The following EPHA6 variants were observed in gnomAD, a reference collection of about 807,000 sequenced individuals.
EPHA6 encodes EPH receptor A6, also known as ephrin type-A receptor 6.
EPHA6 carries 50 observed loss-of-function variants against 112.0 expected under a neutral mutation model. The ratio of observed to expected loss-of-function variants is 0.45; its 90% CI spans 0.36 to 0.56. The LOEUF is 0.56. Among genes scored for constraint, EPHA6 ranks in the 20% least tolerant of loss-of-function variants. The pLI is 0.00. For missense variants in EPHA6, 1,280 were observed against 1,417.4 expected (o/e 0.90, Z 1.56); for synonymous variants, 529 against 490.7 (o/e 1.08, Z -1.03).
intron 5 of EPHA6, among the ~76,000 whole-genome samples, chr3:97,296,837 A>G (rs1484297699): frequency 4.6e-5 from 7 of 152,082 alleles, no homozygotes; most frequent in African/African-American, 7.2e-5. Flanking sequence ...AGGACACTGT[A>G]TGCTAGAGTG....
At chr3:97,536,411 AT>A (rs1251761969) in intron 11 of EPHA6, among the ~76,000 whole-genome samples, 2 of 152,218 alleles carry the variant, frequency 1.3e-5, no homozygotes, top group Non-Finnish European at 2.9e-5. Context: ...AAATTTAGAT[AT>A]GCCAACTGTA....
chr3:97,390,977 A>G (rs2109061026), intron 5 of EPHA6, among the ~76,000 whole-genome samples: 1 of 152,176 alleles, frequency 6.6e-6, no homozygotes, highest in Admixed American at 6.6e-5. Context: ...CAAGAAACAA[A>G]CCCAAGGTAG....
At chr3:97,020,632 C>T (rs1307286754) in intron 3 of EPHA6, among the ~76,000 whole-genome samples, 1 of 146,788 alleles carries the variant, frequency 6.8e-6, no homozygotes. Context: ...GGAGCACAGT[C>T]TCTGTGAGTT....
chr3:96,952,607 A>G (rs2041591969), intron 2 of EPHA6, among the ~76,000 whole-genome samples: 1 of 152,190 alleles, frequency 6.6e-6, no homozygotes, highest in Non-Finnish European at 1.5e-5. Flanking sequence ...TTTCTTATAA[A>G]TTATCCTGTC....
chr3:97,044,747 C>G (rs1306701818), intron 3 of EPHA6, among the ~76,000 whole-genome samples: 1 of 151,936 alleles, frequency 6.6e-6, no homozygotes, highest in Non-Finnish European at 1.5e-5. Flanking sequence ...GTATGCGGGA[C>G]ACCGACTCAA....
At chr3:97,361,639 G>A (rs564570595) in intron 5 of EPHA6, among the ~76,000 whole-genome samples, 81 of 152,248 alleles carry the variant, frequency 5.3e-4, no homozygotes, top group African/African-American at 1.9e-3. Flanking sequence ...AAGAAGTTGA[G>A]CATGCTAGCT....
chr3:97,636,172 C>G (rs895637248), intron 13 of EPHA6, among the ~76,000 whole-genome samples: 1 of 152,172 alleles, frequency 6.6e-6, no homozygotes, highest in Admixed American at 6.5e-5. Context: ...TTCACTACTA[C>G]TTTAAAATTC....
intron 9 of EPHA6, among the ~76,000 whole-genome samples, chr3:97,480,377 C>T (rs2091497141): frequency 1.3e-5 from 2 of 152,130 alleles, no homozygotes; most frequent in South Asian, 2.1e-4. Flanking sequence ...GAGGACCCTG[C>T]GGCCTTCCGC....
At position 97,348,164 on chromosome 3, in the gene EPHA6, A is replaced by G. The variant is rs139753575; in HGVS notation, c.1607-56986A>G. Among the ~76,000 whole-genome samples, 41 of 152,220 alleles carry G rather than the reference A, an allele frequency of 2.7e-4. No homozygotes were observed. In the East Asian group the frequency reaches 7.7e-3, roughly 29 times the overall value. On this transcript the variant is annotated intron_variant, in intron 5 of 17. Transcript: ENST00000389672. ...GGAATAGAGGAGTACATGATTCCCTATAAAGAATGTAATGCCATAGGCTAA... is the reference window on the plus strand; with the variant it reads ...GGAATAGAGGAGTACATGATTCCCTGTAAAGAATGTAATGCCATAGGCTAA...
At chr3:96,863,740 A>T (rs1381629389) in intron 1 of EPHA6, among the ~76,000 whole-genome samples, 1 of 152,048 alleles carries the variant, frequency 6.6e-6, no homozygotes, top group African/African-American at 2.4e-5. Context: ...TTTAGAAACA[A>T]TAATTAAATG....
At chr3:97,641,378 C>T (rs762361920) in intron 14 of EPHA6, among the ~76,000 whole-genome samples, 1 of 152,124 alleles carries the variant, frequency 6.6e-6, no homozygotes, top group Admixed American at 6.5e-5. Context: ...TTCAAGCAAA[C>T]CCTGTATAAT....
intron 3 of EPHA6, among the ~76,000 whole-genome samples, chr3:97,169,589 A>T (rs985214776): frequency 6.6e-6 from 1 of 151,996 alleles, no homozygotes; most frequent in Non-Finnish European, 1.5e-5. Flanking sequence ...TCATTTTCTG[A>T]TATGTCTTCC....
chr3:97,566,045 T>C (rs2093262208), intron 11 of EPHA6, among the ~76,000 whole-genome samples: 1 of 148,752 alleles, frequency 6.7e-6, no homozygotes, highest in Non-Finnish European at 1.5e-5. Flanking sequence ...AGGAAAGAGA[T>C]TTAATTGGCT....
intron 1 of EPHA6, among the ~76,000 whole-genome samples, chr3:96,815,567 A>C (rs1234306996): frequency 2.0e-5 from 3 of 152,120 alleles, no homozygotes; most frequent in Admixed American, 2.0e-4. Flanking sequence ...CAGATGCTCC[A>C]GATCTGTGTA....
chr3:97,168,727 G>A (rs1249996218), intron 3 of EPHA6, among the ~76,000 whole-genome samples: 1 of 151,970 alleles, frequency 6.6e-6, no homozygotes, highest in Non-Finnish European at 1.5e-5. Flanking sequence ...AGCCTGTACA[G>A]CCCCAAAGAA....
intron 4 of EPHA6, among the ~76,000 whole-genome samples, chr3:97,233,354 TC>T (rs1342394540): frequency 6.6e-6 from 1 of 150,674 alleles, no homozygotes; most frequent in African/African-American, 2.4e-5. Context: ...AAACATTATG[TC>T]TTCTAAAACT....
chr3:97,053,919 A>C (rs2045767087), intron 3 of EPHA6, among the ~76,000 whole-genome samples: 1 of 151,958 alleles, frequency 6.6e-6, no homozygotes, highest in Non-Finnish European at 1.5e-5. Flanking sequence ...TTCAGGACAA[A>C]CACAATCTTG....
At chr3:97,536,748 C>T (rs1342336163) in intron 11 of EPHA6, among the ~76,000 whole-genome samples, 3 of 152,044 alleles carry the variant, frequency 2.0e-5, no homozygotes, top group South Asian at 2.1e-4. Context: ...AATAGGCATT[C>T]CCCAAAATTT....
intron 5 of EPHA6, among the ~76,000 whole-genome samples, chr3:97,258,239 A>AGT: frequency 7.1e-6 from 1 of 140,940 alleles, no homozygotes; most frequent in East Asian, 2.0e-4. Context: ...ATTGTGTATG[A>AGT]GTATATATAT....
Sources: gnomAD v4.1 joint callset for allele counts (sites outside exome capture counted in the v4.1 genomes callset) on GRCh38, gnomAD v4.1.1 for gene constraint, MANE v1.5 for transcripts, NCBI Gene and HGNC (gene_info 2026-07-23, HGNC 2026-07-21) for gene names.